ANPEP: variants seen among roughly 807,000 people sequenced by gnomAD.
The protein encoded by ANPEP is aminopeptidase N.
Under a neutral mutation model 114.6 loss-of-function variants are expected in ANPEP, and 70 were observed. That is an observed-to-expected ratio of 0.61 (90% CI 0.50 to 0.75). The LOEUF is 0.75. Ranked by LOEUF, ANPEP falls within the 30% of genes least tolerant of loss-of-function variation. The pLI is 0.00. For synonymous variants in ANPEP, 548 were observed against 522.3 expected (o/e 1.05, Z -0.67); for missense variants, 1,184 against 1,259.5 (o/e 0.94, Z 0.91).
Position 89,785,190 on chromosome 15 carries a change from G to T in ANPEP, c.*159C>A. On this transcript the variant is annotated 3_prime_UTR_variant, in exon 21 of 21. Coordinates refer to ENST00000300060, the MANE Select transcript of ANPEP (RefSeq NM_001150.3). ...AGGCAGCCTGGGTCATCAGGAACTAGACTGGCTCACAGGCAGAGAGAACGT... is the reference window on the plus strand; with the variant it reads ...AGGCAGCCTGGGTCATCAGGAACTATACTGGCTCACAGGCAGAGAGAACGT... 1 of 982,216 alleles carries T rather than the reference G, an allele frequency of 1.0e-6. No individual in the cohort carries two copies. Among genetic ancestry groups the T allele is most frequent in the Non-Finnish European group, 1.5e-6 (1 of 667,796 alleles). The allele number at this position is 982,216 out of a possible 1,614,324, so 60.8% of individuals were successfully genotyped here. A position where few individuals can be genotyped will look rare whatever the true frequency, so the allele number is the denominator to read the frequency against.
chr15:89,808,773 C>G (rs1404764206), intron 1 of ANPEP, among the ~76,000 whole-genome samples: 1 of 152,190 alleles, frequency 6.6e-6, no homozygotes, highest in East Asian at 1.9e-4. Context: ...CCCTGCCACC[C>G]CTGCCACCCC....
intron 1 of ANPEP, among the ~76,000 whole-genome samples, chr15:89,812,116 T>G (rs1011271105): frequency 3.9e-5 from 6 of 152,290 alleles, no homozygotes; most frequent in Non-Finnish European, 8.8e-5. Context: ...CTTTCTACTC[T>G]AATATGAAGA....
intron 1 of ANPEP, among the ~76,000 whole-genome samples, chr15:89,813,031 G>A (rs1894843197): frequency 6.6e-6 from 1 of 152,114 alleles, no homozygotes; most frequent in Non-Finnish European, 1.5e-5. Flanking sequence ...TTGCCTCCAA[G>A]GTGTGACTGG....
chr15:89,789,129 C>G (rs548411325), intron 20 of ANPEP, among the ~76,000 whole-genome samples: 1 of 151,698 alleles, frequency 6.6e-6, no homozygotes, highest in African/African-American at 2.4e-5. Context: ...ACAGGCACCC[C>G]CCACCACACC....
chr15:89,785,628 A>G (rs1216161670), intron 20 of ANPEP, 127 bp from the exon 21 acceptor site: 3 of 1,327,888 alleles, frequency 2.3e-6, no homozygotes, highest in East Asian at 4.7e-5. Flanking sequence ...ACCCTGTTCC[A>G]GGGATAGGCA....
intron 1 of ANPEP, among the ~76,000 whole-genome samples, chr15:89,807,906 C>T (rs999664815): frequency 6.6e-6 from 1 of 152,124 alleles, no homozygotes; most frequent in African/African-American, 2.4e-5. Context: ...TCCAATTCAC[C>T]CACATTCCCC....
intron 10 of ANPEP, chr15:89,802,605 G>C (rs1409730813): frequency 1.3e-5 from 2 of 157,650 alleles, no homozygotes; most frequent in Non-Finnish European, 2.8e-5. Context: ...TGCAGGGAAG[G>C]GGTAGGGGGC....
chr15:89,806,518 G>A lies in ANPEP; in HGVS notation c.66C>T (p.Ala22=), dbSNP rs755439694. The A allele has an allele frequency of 9.9e-6, 16 of 1,613,742 alleles. No individual in the cohort carries two copies. The East Asian group carries it at 2.2e-4, about 22-fold the overall frequency. Residue 22 remains alanine, a synonymous_variant, in exon 2 of 21, where the codon GCC becomes GCT. Coordinates refer to ENST00000300060, the MANE Select transcript of ANPEP (RefSeq NM_001150.3). This position sits in a 1 kb window ranked among gnomAD's most constrained non-coding sequence, Gnocchi z 5.7. ...GILGILLGVA[A]VCTIIALSVV... ...CTGACAGTGCGATGATTGTGCACACGGCTGCCACGCCCAGGAGGATCCCCA... is the reference window on the plus strand; with the variant it reads ...CTGACAGTGCGATGATTGTGCACACAGCTGCCACGCCCAGGAGGATCCCCA...
At position 89,801,628 on chromosome 15, in the gene ANPEP, C is replaced by T. The variant is rs199751346; in HGVS notation, c.1570-21G>A. 16 of 1,608,752 alleles carry T rather than the reference C, an allele frequency of 9.9e-6. 1 individual carries two copies. The highest frequency in any genetic ancestry group is 3.7e-4 in the Middle Eastern group (2 of 5,420). On this transcript the variant is annotated intron_variant, in intron 10 of 20. Transcript: ENST00000300060. ...ACAGCCTGTGGGTGGAGCGAGAGGGCGTGGCCATCAGTGGGACCCTCCAGT... is the reference window on the plus strand; with the variant it reads ...ACAGCCTGTGGGTGGAGCGAGAGGGTGTGGCCATCAGTGGGACCCTCCAGT...
chr15:89,805,887 C>G, intron 2 of ANPEP, 83 bp downstream of exon 2: 2 of 1,515,488 alleles, frequency 1.3e-6, no homozygotes, highest in Non-Finnish European at 1.8e-6. Flanking sequence ...GGCCTGCAAG[C>G]TAAGTCCTTC....
At chr15:89,812,247 C>G (rs1015867674) in intron 1 of ANPEP, among the ~76,000 whole-genome samples, 1 of 152,262 alleles carries the variant, frequency 6.6e-6, no homozygotes, top group Non-Finnish European at 1.5e-5. Context: ...CACCCACTCC[C>G]ACTCAGTGTC....
intron 10 of ANPEP, among the ~76,000 whole-genome samples, chr15:89,802,942 A>G (rs1894625832): frequency 6.6e-6 from 1 of 151,972 alleles, no homozygotes; most frequent in Non-Finnish European, 1.5e-5. Context: ...AGAGGCGGGA[A>G]CCATGAGGGC....
intron 20 of ANPEP, among the ~76,000 whole-genome samples, chr15:89,787,575 T>C (rs554165829): frequency 1.3e-5 from 2 of 152,278 alleles, no homozygotes; most frequent in Non-Finnish European, 2.9e-5. Flanking sequence ...AGACAGTCCA[T>C]AGAATGGGAG....
chr15:89,814,268 C>G (rs371920454), intron 1 of ANPEP, among the ~76,000 whole-genome samples: 7 of 152,298 alleles, frequency 4.6e-5, no homozygotes, highest in African/African-American at 1.7e-4. Flanking sequence ...AGAGCTGCGG[C>G]GGAGGCTTTA....
At chr15:89,792,061 T>G in intron 18 of ANPEP, 99 bp downstream of exon 18, 1 of 1,393,830 alleles carries the variant, frequency 7.2e-7, no homozygotes, top group Non-Finnish European at 9.8e-7. Context: ...AACAGGTCTG[T>G]GGGGGTCACG....
At position 89,790,444 on chromosome 15, in the gene ANPEP, G is replaced by C; in HGVS notation, c.2751+16C>G. 1 of 1,611,240 alleles carries C rather than the reference G, an allele frequency of 6.2e-7. No individual in the cohort carries two copies. ...AGGAAGTAGGCAGAGCCCAGGTCTG[G>C]GGAATGACTTCTTACCTGCTGCAGC... On this transcript the variant is annotated intron_variant, in intron 20 of 20. Transcript: ENST00000300060.
At chr15:89,808,929 G>C (rs1222014796) in intron 1 of ANPEP, among the ~76,000 whole-genome samples, 2 of 152,232 alleles carry the variant, frequency 1.3e-5, no homozygotes, top group Non-Finnish European at 2.9e-5. Context: ...AGGGTCTTTA[G>C]GGGAGTCCTG....
At chr15:89,808,570 A>C (rs1381560453) in intron 1 of ANPEP, among the ~76,000 whole-genome samples, 1 of 152,128 alleles carries the variant, frequency 6.6e-6, no homozygotes, top group Non-Finnish European at 1.5e-5. Context: ...CTCCTTACCA[A>C]AGTCTTTCTG....
At chr15:89,808,224 T>C (rs1199705907) in intron 1 of ANPEP, among the ~76,000 whole-genome samples, 1 of 152,198 alleles carries the variant, frequency 6.6e-6, no homozygotes, top group East Asian at 1.9e-4. Context: ...TCCCTCTGCC[T>C]GGATCTTCTC....
Sources: allele counts gnomAD v4.1 joint callset (sites outside exome capture counted in the v4.1 genomes callset), GRCh38; gene constraint gnomAD v4.1.1; non-coding constraint Gnocchi (gnomAD v3.1); transcripts MANE v1.5; gene names NCBI Gene and HGNC (gene_info 2026-07-23, HGNC 2026-07-21).